LRRFIP2: variants seen among roughly 807,000 people sequenced by gnomAD.
LRRFIP2 encodes LRR binding FLII interacting protein 2, also known as leucine-rich repeat flightless-interacting protein 2.
In LRRFIP2, 109 loss-of-function variants were observed where a neutral mutation model predicts 125.9. That is an observed-to-expected ratio of 0.87 (90% CI 0.74 to 1.01). The LOEUF is 1.01. Among genes scored for constraint, LRRFIP2 ranks in the 50% least tolerant of loss-of-function variants. The pLI, the probability that LRRFIP2 is intolerant of heterozygous loss-of-function variation, is 0.00. For synonymous variants in LRRFIP2, 291 were observed against 293.1 expected (o/e 0.99, Z 0.07); for missense variants, 850 against 862.3 (o/e 0.99, Z 0.18).
chr3:37,108,014 T>G, intron 13 of LRRFIP2, 59 bp downstream of exon 13: 1 of 1,376,196 alleles, frequency 7.3e-7, no homozygotes, highest in Non-Finnish European at 1.0e-6. Context: ...AAACAGTGAG[T>G]ACAGATTAAC....
chr3:37,154,013 C>CAAAAAAAAAA (rs767900386), intron 1 of LRRFIP2, among the ~76,000 whole-genome samples: 2 of 142,796 alleles, frequency 1.4e-5, no homozygotes, highest in Non-Finnish European at 3.0e-5. Context: ...TCTGTCTTTA[C>CAAAAAAAAAA]AAAAAAAAAA....
chr3:37,126,872 GAA>G (rs745711479), intron 4 of LRRFIP2, among the ~76,000 whole-genome samples: 1 of 142,482 alleles, frequency 7.0e-6, no homozygotes, highest in Non-Finnish European at 1.5e-5. Context: ...AAAAAAAAAA[GAA>G]AGAAAGAAAG....
Position 37,053,994 on chromosome 3 carries a change from G to T in LRRFIP2, c.2056-33C>A, listed in dbSNP as rs563210697. On this transcript the variant is annotated intron_variant, in intron 27 of 27. Transcript: ENST00000336686. ...CAGGGAGAATGCAGTCACTACATGT[G>T]GTCAGAAACAACATCCAGTGCTACT... The T allele has an allele frequency of 9.5e-5, 119 of 1,252,052 alleles. No individual in the cohort carries two copies. In the South Asian group the frequency reaches 1.4e-3, roughly 15 times the overall value. The allele number at this position is 1,252,052 out of a possible 1,614,324, so 77.6% of individuals were successfully genotyped here. A position where few individuals can be genotyped will look rare whatever the true frequency, so the allele number is the denominator to read the frequency against.
In LRRFIP2 at chr3:37,096,673, A is replaced by G. The variant is rs200167382; in HGVS notation, c.874-13T>C. 4.5e-5 allele frequency: 68 copies of G among 1,527,064 alleles called. No homozygotes were observed. The South Asian group carries it at 5.7e-4, about 13-fold the overall frequency. 94.6% of individuals were successfully genotyped at this position (1,527,064 alleles called of 1,614,324 possible). A position where few individuals can be genotyped will look rare whatever the true frequency, so the allele number is the denominator to read the frequency against. ...ATTTTTCATCCAACTAGAAAAGAAC[A>G]AAGATAAAAATCAGTAAAGATGCTT... On this transcript the variant is annotated splice_polypyrimidine_tract_variant and intron_variant, in intron 15 of 27. Transcript: ENST00000336686.
At chr3:37,080,428 AATAAAATAAC>A (rs1042062993) in intron 19 of LRRFIP2, among the ~76,000 whole-genome samples, 4 of 151,972 alleles carry the variant, frequency 2.6e-5, no homozygotes, top group Admixed American at 1.3e-4. Context: ...TAAAAAAATA[AATAAAATAAC>A]ATAAAATAAA....
At chr3:37,070,315 T>C (rs949862491) in intron 21 of LRRFIP2, among the ~76,000 whole-genome samples, 1 of 151,864 alleles carries the variant, frequency 6.6e-6, no homozygotes, top group African/African-American at 2.4e-5. Flanking sequence ...CGTTTTACCA[T>C]GTTGGTCAGG....
chr3:37,054,293 TAAGTGACTC>T, intron 27 of LRRFIP2, 109 bp downstream of exon 27: 1 of 781,586 alleles, frequency 1.3e-6, no homozygotes, highest in Non-Finnish European at 2.1e-6. Context: ...ACAAATTAGT[TAAGTGACTC>T]CACTGCTGTT....
At chr3:37,092,253 G>T (rs1438005946) in intron 17 of LRRFIP2, among the ~76,000 whole-genome samples, 6 of 152,146 alleles carry the variant, frequency 3.9e-5, no homozygotes, top group Non-Finnish European at 7.4e-5. Context: ...GTTATATAAG[G>T]TCTATTCTGA....
intron 25 of LRRFIP2, among the ~76,000 whole-genome samples, chr3:37,056,003 T>G (rs923128615): frequency 6.6e-6 from 1 of 152,260 alleles, no homozygotes; most frequent in African/African-American, 2.4e-5. Context: ...GTATTTTATT[T>G]GCATTTTTAT....
intron 1 of LRRFIP2, among the ~76,000 whole-genome samples, chr3:37,165,566 G>A (rs771815673): frequency 6.6e-6 from 1 of 151,854 alleles, no homozygotes; most frequent in Non-Finnish European, 1.5e-5. Flanking sequence ...AGACCAGCCT[G>A]ACCAGTGAAA....
At chr3:37,101,013 C>G (rs556612249) in intron 15 of LRRFIP2, among the ~76,000 whole-genome samples, 1 of 152,096 alleles carries the variant, frequency 6.6e-6, no homozygotes, top group Admixed American at 6.5e-5. Flanking sequence ...CAGTGAAATG[C>G]TAATTATAAA....
In LRRFIP2 at chr3:37,149,001, C is replaced by T. The variant is rs1173713204; in HGVS notation, c.-18G>A. 1.2e-6 allele frequency: 2 copies of T among 1,612,946 alleles called. No individual in the cohort carries two copies. Among genetic ancestry groups the T allele is most frequent in the Non-Finnish European group, 1.7e-6 (2 of 1,179,584 alleles). On this transcript the variant is annotated 5_prime_UTR_variant, in exon 2 of 28. Coordinates refer to ENST00000336686, the MANE Select transcript of LRRFIP2 (RefSeq NM_006309.4). ...GTCCCCATCTTGTGTTCTTAATAGT[C>T]TTTTAACTTTGAAAGTGATTTAACT...
chr3:37,156,333 A>T (rs1456373116), intron 1 of LRRFIP2, among the ~76,000 whole-genome samples: 1 of 151,844 alleles, frequency 6.6e-6, no homozygotes, highest in East Asian at 1.9e-4. Flanking sequence ...TTTTTTTTTT[A>T]ATTTTTTATA....
chr3:37,160,926 G>A (rs28713730), intron 1 of LRRFIP2, among the ~76,000 whole-genome samples: 1,905 of 152,156 alleles, frequency 0.013, 45 homozygotes, highest in African/African-American at 0.043. Flanking sequence ...AACTTGTAAC[G>A]GAATATTCAC....
intron 24 of LRRFIP2, among the ~76,000 whole-genome samples, chr3:37,061,513 C>CA (rs2088714692): frequency 6.6e-6 from 1 of 151,572 alleles, no homozygotes; most frequent in African/African-American, 2.4e-5. Flanking sequence ...GCCTCAGCTT[C>CA]CCAAGTAGCT....
chr3:37,091,138 G>A (rs1348147250), intron 18 of LRRFIP2, among the ~76,000 whole-genome samples: 1 of 152,054 alleles, frequency 6.6e-6, no homozygotes, highest in Non-Finnish European at 1.5e-5. Context: ...CACTTTGAGA[G>A]GCCAAGGCAG....
chr3:37,132,391 C>G (rs2095449301), intron 2 of LRRFIP2, among the ~76,000 whole-genome samples: 1 of 152,126 alleles, frequency 6.6e-6, no homozygotes, highest in African/African-American at 2.4e-5. Context: ...TAAAATGAGA[C>G]TTCCTTCATA....
At chr3:37,079,099 T>C (rs2092396731) in intron 19 of LRRFIP2, among the ~76,000 whole-genome samples, 1 of 152,012 alleles carries the variant, frequency 6.6e-6, no homozygotes, top group Non-Finnish European at 1.5e-5. Flanking sequence ...TACAAGTCAA[T>C]AATAATAAGG....
chr3:37,098,020 G>C (rs1266205385), intron 15 of LRRFIP2, among the ~76,000 whole-genome samples: 1 of 152,044 alleles, frequency 6.6e-6, no homozygotes, highest in African/African-American at 2.4e-5. Flanking sequence ...ATCATTTCTG[G>C]CTCTACTCAG....
Sources: allele counts gnomAD v4.1 joint callset (sites outside exome capture counted in the v4.1 genomes callset), GRCh38; gene constraint gnomAD v4.1.1; transcripts MANE v1.5; gene names NCBI Gene and HGNC (gene_info 2026-07-23, HGNC 2026-07-21).